Variants in SPAG16 observed in about 807,000 individuals in gnomAD.
SPAG16 encodes the protein sperm-associated antigen 16 protein.
A neutral mutation model predicts 80.4 loss-of-function variants in SPAG16; 86 were observed. The ratio of observed to expected loss-of-function variants is 1.07; its 90% CI spans 0.90 to 1.28. SPAG16 has a LOEUF of 1.28. Among genes scored for constraint, SPAG16 ranks in the 50% most tolerant of loss-of-function variants. SPAG16 has a pLI of 0.00. For synonymous variants in SPAG16, 294 were observed against 265.9 expected, an observed-to-expected ratio of 1.11 and a Z score of -1.03; for missense variants, 870 against 765.3, an observed-to-expected ratio of 1.14 and a Z score of -1.61.
At chr2:213,558,802 C>T (rs943323858) in intron 10 of SPAG16, among the ~76,000 whole-genome samples, 1 of 151,980 alleles carries the variant, frequency 6.6e-6, no homozygotes. Context: ...TACAATGAGC[C>T]TCCATGTACC....
chr2:214,096,316 A>G (rs536218889), intron 13 of SPAG16, among the ~76,000 whole-genome samples: 8 of 151,928 alleles, frequency 5.3e-5, no homozygotes, highest in Non-Finnish European at 8.8e-5. Flanking sequence ...AGGAAAATGT[A>G]ATTCTGCCAA....
chr2:214,396,932 T>TA (rs1701423342), intron 15 of SPAG16, among the ~76,000 whole-genome samples: 1 of 151,848 alleles, frequency 6.6e-6, no homozygotes, highest in South Asian at 2.1e-4. Flanking sequence ...GCTTTTTTCC[T>TA]AAAAATACTG....
chr2:213,740,877 C>T (rs2067518880), intron 10 of SPAG16, among the ~76,000 whole-genome samples: 1 of 152,198 alleles, frequency 6.6e-6, no homozygotes, highest in Non-Finnish European at 1.5e-5. Context: ...TAACCATCCC[C>T]ATCAGTGACT....
intron 10 of SPAG16, among the ~76,000 whole-genome samples, chr2:213,623,357 A>G (rs983041943): frequency 3.3e-5 from 5 of 152,138 alleles, no homozygotes; most frequent in Non-Finnish European, 5.9e-5. Flanking sequence ...TATGAATTCT[A>G]TGCTTTCCTT....
intron 10 of SPAG16, among the ~76,000 whole-genome samples, chr2:213,800,718 AG>A (rs1364723349): frequency 6.6e-6 from 1 of 152,218 alleles, no homozygotes; most frequent in Non-Finnish European, 1.5e-5. Flanking sequence ...ACCAGCCTAC[AG>A]GTATACTACA....
intron 10 of SPAG16, among the ~76,000 whole-genome samples, chr2:213,599,280 C>T (rs1013842720): frequency 5.3e-5 from 8 of 152,154 alleles, no homozygotes; most frequent in African/African-American, 1.4e-4. Flanking sequence ...TTTCTTGATA[C>T]GAACTACAAA....
chr2:213,426,504 C>A (rs1488375174), intron 9 of SPAG16, among the ~76,000 whole-genome samples: 1 of 151,864 alleles, frequency 6.6e-6, no homozygotes, highest in Admixed American at 6.6e-5. Flanking sequence ...ATAAATGGTT[C>A]ATTTTTCAAC....
chr2:213,660,955 T>C (rs2063403312), intron 10 of SPAG16, among the ~76,000 whole-genome samples: 1 of 152,200 alleles, frequency 6.6e-6, no homozygotes, highest in African/African-American at 2.4e-5. Flanking sequence ...GCAGTCTCCA[T>C]ACTAGCATCG....
intron 10 of SPAG16, among the ~76,000 whole-genome samples, chr2:213,820,629 T>C (rs988188806): frequency 6.6e-6 from 1 of 152,170 alleles, no homozygotes; most frequent in African/African-American, 2.4e-5. Flanking sequence ...TTTTGTCTAC[T>C]TAATCTGTTA....
intron 15 of SPAG16, among the ~76,000 whole-genome samples, chr2:214,210,731 T>C (rs1369016483): frequency 1.3e-5 from 2 of 152,092 alleles, no homozygotes; most frequent in Non-Finnish European, 2.9e-5. Context: ...CTTAGAAACA[T>C]GTATAACTCA....
At chr2:214,210,318 G>A (rs1247839360) in intron 15 of SPAG16, among the ~76,000 whole-genome samples, 1 of 151,994 alleles carries the variant, frequency 6.6e-6, no homozygotes, top group South Asian at 2.1e-4. Flanking sequence ...TTTTCTTGGA[G>A]ATTTGTGACA....
At chr2:214,294,085 T>C (rs1462396692) in intron 15 of SPAG16, among the ~76,000 whole-genome samples, 1 of 152,226 alleles carries the variant, frequency 6.6e-6, no homozygotes, top group Non-Finnish European at 1.5e-5. Context: ...AACTGAGCTC[T>C]CAGAATGGTG....
chr2:213,415,092 A>G (rs1559109780), intron 9 of SPAG16, among the ~76,000 whole-genome samples: 1 of 152,238 alleles, frequency 6.6e-6, no homozygotes, highest in South Asian at 2.1e-4. Flanking sequence ...CGGGAGTACA[A>G]TTCAAGATGA....
At chr2:213,517,543 T>A (rs1055377701) in intron 10 of SPAG16, among the ~76,000 whole-genome samples, 1 of 152,198 alleles carries the variant, frequency 6.6e-6, no homozygotes, top group Non-Finnish European at 1.5e-5. Context: ...CACTTCATAC[T>A]ACCCAATTTC....
intron 12 of SPAG16, among the ~76,000 whole-genome samples, chr2:213,994,662 G>A (rs1293705663): frequency 1.3e-5 from 2 of 150,738 alleles, no homozygotes; most frequent in Admixed American, 1.3e-4. Context: ...AGATGAAGTG[G>A]ATTTCCTTAC....
At chr2:213,884,889 A>G (rs2076493048) in intron 11 of SPAG16, among the ~76,000 whole-genome samples, 1 of 152,122 alleles carries the variant, frequency 6.6e-6, no homozygotes, top group Non-Finnish European at 1.5e-5. Flanking sequence ...CATTTCTTGG[A>G]TCATTTTACT....
chr2:214,013,337 C>T (rs949069995), intron 12 of SPAG16, among the ~76,000 whole-genome samples: 4 of 152,008 alleles, frequency 2.6e-5, no homozygotes, highest in Non-Finnish European at 2.9e-5. Flanking sequence ...TTCTTTGTGG[C>T]GAGAACTTTC....
At chr2:214,074,288 T>C (rs1237822728) in intron 13 of SPAG16, among the ~76,000 whole-genome samples, 2 of 152,174 alleles carry the variant, frequency 1.3e-5, no homozygotes, top group Non-Finnish European at 2.9e-5. Flanking sequence ...AAATCTCAAC[T>C]AAGACATAAA....
intron 11 of SPAG16, among the ~76,000 whole-genome samples, chr2:213,885,037 C>A (rs763326235): frequency 1.3e-5 from 2 of 152,126 alleles, no homozygotes; most frequent in African/African-American, 2.4e-5. Flanking sequence ...CTGGTAGACT[C>A]CTTTGGAGGT....
Sources: gnomAD v4.1 joint callset for allele counts (sites outside exome capture counted in the v4.1 genomes callset) on GRCh38, gnomAD v4.1.1 for gene constraint, MANE v1.5 for transcripts, NCBI Gene and HGNC (gene_info 2026-07-23, HGNC 2026-07-21) for gene names.